The following SESN1 variants were observed in gnomAD, a reference collection of about 807,000 sequenced individuals.
The protein encoded by SESN1 is sestrin 1.
Under a neutral mutation model 59.3 loss-of-function variants are expected in SESN1, and 30 were observed. The ratio of observed to expected loss-of-function variants is 0.51; its 90% CI spans 0.38 to 0.69. SESN1 has a LOEUF of 0.69. Ranked by LOEUF, SESN1 falls within the 30% of genes least tolerant of loss-of-function variation. SESN1 has a pLI of 0.00. For synonymous variants in SESN1, 197 were observed against 219.9 expected, an observed-to-expected ratio of 0.90 and a Z score of 0.92; for missense variants, 566 against 673.0, an observed-to-expected ratio of 0.84 and a Z score of 1.76.
intron 1 of SESN1, among the ~76,000 whole-genome samples, chr6:109,045,820 C>T (rs1780420487): frequency 6.6e-6 from 1 of 152,262 alleles, no homozygotes; most frequent in Non-Finnish European, 1.5e-5. Context: ...AGACCTTTGC[C>T]TTATCTGTTT....
intron 1 of SESN1, among the ~76,000 whole-genome samples, chr6:109,069,925 A>T (rs1222831356): frequency 1.3e-5 from 2 of 152,178 alleles, no homozygotes; most frequent in Admixed American, 6.5e-5. Context: ...TGAATTACTT[A>T]AAAAATGTGA....
chr6:109,013,320 G>A (rs919757645), intron 1 of SESN1, among the ~76,000 whole-genome samples: 3 of 152,146 alleles, frequency 2.0e-5, no homozygotes, highest in Admixed American at 6.5e-5. Context: ...AAGGCAAGAG[G>A]GCAGTCTTCG....
chr6:109,092,182 A>AG (rs1781325849), intron 1 of SESN1, among the ~76,000 whole-genome samples: 1 of 152,192 alleles, frequency 6.6e-6, no homozygotes, highest in South Asian at 2.1e-4. Context: ...TGAAAGGGAG[A>AG]GGAGCATCTA....
intron 7 of SESN1, 50 bp from the exon 8 acceptor site, chr6:108,990,885 T>G: frequency 6.8e-7 from 1 of 1,472,396 alleles, no homozygotes; most frequent in Non-Finnish European, 9.4e-7. Flanking sequence ...CAAGTACAGT[T>G]CTATATCTAT....
At chr6:109,069,547 A>T (rs1780894916) in intron 1 of SESN1, among the ~76,000 whole-genome samples, 1 of 147,562 alleles carries the variant, frequency 6.8e-6, no homozygotes, top group South Asian at 2.1e-4. Context: ...ACAAACTTTA[A>T]TTTTTTTTTT....
At chr6:109,091,342 G>A (rs570469790) in intron 1 of SESN1, among the ~76,000 whole-genome samples, 2 of 152,224 alleles carry the variant, frequency 1.3e-5, no homozygotes, top group African/African-American at 4.8e-5. Context: ...ACCCTATGAT[G>A]TTCAAACAAA....
rs554718571 is a variant in SESN1, at chr6:109,048,229, A to G, written c.279+45566T>C. ...CTTCCAAGATCACAAAGGCCTCAATAAACATTCAGATATCTCCAACTGACC... is the reference window on the plus strand; with the variant it reads ...CTTCCAAGATCACAAAGGCCTCAATGAACATTCAGATATCTCCAACTGACC... On this transcript the variant is annotated intron_variant, in intron 1 of 9. Transcript: ENST00000436639. Among the ~76,000 whole-genome samples, 8 of 152,284 alleles carry G rather than the reference A, an allele frequency of 5.3e-5. No homozygotes were observed. In the East Asian group the frequency reaches 1.4e-3, roughly 26 times the overall value.
At chr6:109,040,755 C>T (rs1050480145) in intron 1 of SESN1, among the ~76,000 whole-genome samples, 6 of 151,330 alleles carry the variant, frequency 4.0e-5, no homozygotes, top group Non-Finnish European at 5.9e-5. Flanking sequence ...TGGGTTCAAG[C>T]GATTCTCCCG....
At chr6:109,045,249 A>G (rs1166793400) in intron 1 of SESN1, among the ~76,000 whole-genome samples, 2 of 151,622 alleles carry the variant, frequency 1.3e-5, no homozygotes, top group African/African-American at 2.4e-5. Context: ...CCTATCCTCA[A>G]CCTCACTCCC....
Position 108,998,675 on chromosome 6 carries a change from A to G in SESN1, c.810T>C (p.Ser270=), listed in dbSNP as rs759747822. ...HAVVLLTHYH[S]LASFTFGCGI... The stretch of plus-strand genomic sequence containing the variant: ...CACAGCCGAATGTGAATGAGGCAAG[A>G]GAATGATAGTGTGTGAGTAAAACTA... The change falls in exon 5 of 10, where the codon TCT becomes TCC. Residue 270 remains serine, a synonymous_variant. Transcript: ENST00000436639. The G allele has an allele frequency of 6.8e-6, 11 of 1,613,846 alleles. No homozygotes were observed. In the East Asian group the frequency reaches 2.2e-4, roughly 33 times the overall value.
At chr6:109,042,656 T>A (rs537288775) in intron 1 of SESN1, among the ~76,000 whole-genome samples, 1 of 151,972 alleles carries the variant, frequency 6.6e-6, no homozygotes, top group Non-Finnish European at 1.5e-5. Flanking sequence ...ATAACTCACC[T>A]ACTATGAAAT....
chr6:109,018,787 T>C (rs1431992402), intron 1 of SESN1, among the ~76,000 whole-genome samples: 1 of 152,230 alleles, frequency 6.6e-6, no homozygotes, highest in Non-Finnish European at 1.5e-5. Flanking sequence ...CTCAAAACCA[T>C]TTATCTAAGT....
intron 1 of SESN1, among the ~76,000 whole-genome samples, chr6:109,007,840 A>G (rs1323472448): frequency 7.3e-6 from 1 of 137,318 alleles, no homozygotes; most frequent in Non-Finnish European, 1.5e-5. Flanking sequence ...AAAAAAACTT[A>G]CTGACTTTAA....
chr6:108,989,481 A>G (rs957600061), intron 8 of SESN1, among the ~76,000 whole-genome samples: 3 of 145,742 alleles, frequency 2.1e-5, no homozygotes, highest in Non-Finnish European at 4.7e-5. Context: ...ATATCTGTAT[A>G]TATATCTCTA....
At chr6:109,090,798 T>C (rs1781304502) in intron 1 of SESN1, 1 of 152,264 alleles carries the variant, frequency 6.6e-6, no homozygotes, top group Admixed American at 6.5e-5. Flanking sequence ...AACAGGGTTT[T>C]GCTCTGTCGC....
intron 1 of SESN1, among the ~76,000 whole-genome samples, chr6:109,061,604 G>C (rs533482655): frequency 6.6e-6 from 1 of 151,998 alleles, no homozygotes; most frequent in Non-Finnish European, 1.5e-5. Flanking sequence ...AGGAGTTCGC[G>C]ACCAGCCTGG....
intron 8 of SESN1, among the ~76,000 whole-genome samples, chr6:108,989,714 G>A (rs1340240468): frequency 6.6e-6 from 1 of 152,012 alleles, no homozygotes; most frequent in African/African-American, 2.4e-5. Flanking sequence ...TGAGAAAAAA[G>A]GCAGGGGCTG....
rs1387254019 is a variant in SESN1 at position 108,988,625 on chromosome 6, A to C, written c.1487T>G (p.Ile496Ser). The part of the protein sequence containing the change: ...QLLDRSFKVY[I>S]KTVVCTPEKV... ...TTCAGGAGTGCAAACAACAGTTTTG[A>C]TATAAACTTTAAAGCTACGATCCAA... The change falls in exon 9 of 10, where the codon ATC (isoleucine) becomes AGC (serine). Residue 496 changes from isoleucine (I) to serine (S), a missense_variant. Ile to Ser is a moderately radical substitution (Grantham distance 142). Transcript: ENST00000436639. 1 of 1,613,078 alleles carries C rather than the reference A, an allele frequency of 6.2e-7. No homozygotes were observed. Among genetic ancestry groups the C allele is most frequent in the Non-Finnish European group, 8.5e-7 (1 of 1,179,416 alleles).
At chr6:109,040,621 G>A (rs2114414117) in intron 1 of SESN1, among the ~76,000 whole-genome samples, 1 of 151,296 alleles carries the variant, frequency 6.6e-6, no homozygotes, top group South Asian at 2.1e-4. Context: ...GAAAACAAAT[G>A]AACTGTTAAA....
Sources: gnomAD v4.1 joint callset for allele counts (sites outside exome capture counted in the v4.1 genomes callset) on GRCh38, gnomAD v4.1.1 for gene constraint, MANE v1.5 for transcripts, NCBI Gene and HGNC (gene_info 2026-07-23, HGNC 2026-07-21) for gene names.